ITGA9: variants seen among roughly 807,000 people sequenced by gnomAD.
ITGA9 encodes integrin alpha-9.
ITGA9 carries 56 observed loss-of-function variants against 127.8 expected under a neutral mutation model. The observed-to-expected ratio is 0.44, with a 90% CI of 0.35 to 0.55. The LOEUF is 0.55. ITGA9 is among the 20% of genes least tolerant of loss of function. ITGA9 has a pLI of 0.00. For missense variants in ITGA9, 1,196 were observed against 1,347.1 expected (o/e 0.89, Z 1.76); for synonymous variants, 508 against 514.5 (o/e 0.99, Z 0.17).
chr3:37,686,661 GA>G (rs1432100633), intron 18 of ITGA9, among the ~76,000 whole-genome samples: 1 of 152,122 alleles, frequency 6.6e-6, no homozygotes, highest in Non-Finnish European at 1.5e-5. Context: ...ACAGAAACTT[GA>G]CAAAGCATCA....
intron 27 of ITGA9, among the ~76,000 whole-genome samples, chr3:37,810,353 C>A (rs1417757235): frequency 6.6e-6 from 1 of 152,140 alleles, no homozygotes; most frequent in Non-Finnish European, 1.5e-5. Context: ...AGTAGTAGGT[C>A]CCTACTAGGT....
In ITGA9 at chr3:37,482,955, C is replaced by T. The variant is rs546402773; in HGVS notation, c.544+1348C>T. On this transcript the variant is annotated intron_variant, in intron 4 of 27. Transcript: ENST00000264741. Reference sequence around the variant, plus strand: ...TATAATCAATCAAGAGTGGAGGGATCGTTGGTTTCAGAAACGCAAAGCATG... The same window carrying T: ...TATAATCAATCAAGAGTGGAGGGATTGTTGGTTTCAGAAACGCAAAGCATG... Among the ~76,000 whole-genome samples the T allele has an allele frequency of 5.3e-5, 8 of 152,210 alleles. No homozygotes were observed. In the East Asian group the frequency reaches 1.5e-3, roughly 29 times the overall value.
chr3:37,624,845 C>T (rs1040555317), intron 15 of ITGA9, among the ~76,000 whole-genome samples: 3 of 152,106 alleles, frequency 2.0e-5, no homozygotes, highest in Admixed American at 1.3e-4. Flanking sequence ...GACCTCAGGT[C>T]ATCCGCCTTC....
intron 15 of ITGA9, among the ~76,000 whole-genome samples, chr3:37,602,610 T>G (rs1699932279): frequency 6.6e-6 from 1 of 152,214 alleles, no homozygotes; most frequent in Non-Finnish European, 1.5e-5. Context: ...TTAATTTTTA[T>G]TTTTTGCATT....
intron 4 of ITGA9, among the ~76,000 whole-genome samples, chr3:37,482,783 G>A (rs1698570415): frequency 6.6e-6 from 1 of 152,210 alleles, no homozygotes; most frequent in East Asian, 1.9e-4. Flanking sequence ...TATAGAGTGA[G>A]CCTTCCTTTG....
chr3:37,699,576 T>C lies in ITGA9; in HGVS notation c.2067+15561T>C, dbSNP rs1028210794. On this transcript the variant is annotated intron_variant, in intron 18 of 27. Transcript: ENST00000264741. Reference sequence around the variant, plus strand: ...TGATTGGCAATAGCCTTCTTCATAATTGGTTTCCGTGCTTCCACCTTTACC... The same window carrying C: ...TGATTGGCAATAGCCTTCTTCATAACTGGTTTCCGTGCTTCCACCTTTACC... Among the ~76,000 whole-genome samples the C allele has an allele frequency of 7.9e-5, 12 of 152,238 alleles. 1 individual carries two copies. In the South Asian group the frequency reaches 8.3e-4, roughly 11 times the overall value.
At chr3:37,718,016 T>C (rs1277321037) in intron 18 of ITGA9, among the ~76,000 whole-genome samples, 1 of 152,212 alleles carries the variant, frequency 6.6e-6, no homozygotes, top group Non-Finnish European at 1.5e-5. Flanking sequence ...GCATTCATCA[T>C]GTGAGATGAT....
chr3:37,480,349 G>C (rs910374997), intron 3 of ITGA9, among the ~76,000 whole-genome samples: 14 of 152,198 alleles, frequency 9.2e-5, no homozygotes, highest in Non-Finnish European at 1.6e-4. Context: ...CTAGTGCTGA[G>C]AGGCTCCTCT....
At chr3:37,525,891 T>C in intron 12 of ITGA9, 135 bp from the exon 13 acceptor site, 2 of 753,072 alleles carry the variant, frequency 2.7e-6, no homozygotes, top group Admixed American at 1.9e-5. Context: ...AAGATCATTG[T>C]ATAGCCCAGA....
chr3:37,664,420 CTTTTTTTTTTT>C (rs35312679), intron 17 of ITGA9, among the ~76,000 whole-genome samples: 7 of 114,928 alleles, frequency 6.1e-5, no homozygotes, highest in South Asian at 5.7e-4. Flanking sequence ...TCAGCACATT[CTTTTTTTTTTT>C]TTTTTTTTTT....
intron 18 of ITGA9, among the ~76,000 whole-genome samples, chr3:37,701,622 A>C (rs1368148584): frequency 6.6e-6 from 1 of 152,204 alleles, no homozygotes; most frequent in Non-Finnish European, 1.5e-5. Flanking sequence ...TGTTGTTTGC[A>C]GGGGCAGAGC....
chr3:37,569,741 C>T (rs1699582647), intron 15 of ITGA9, among the ~76,000 whole-genome samples: 1 of 152,186 alleles, frequency 6.6e-6, no homozygotes, highest in South Asian at 2.1e-4. Flanking sequence ...ACAGTTAAAA[C>T]TTTTATTTCA....
chr3:37,771,376 C>A (rs1373773965), intron 23 of ITGA9, among the ~76,000 whole-genome samples: 1 of 152,174 alleles, frequency 6.6e-6, no homozygotes, highest in Non-Finnish European at 1.5e-5. Context: ...AGGTAGTCCC[C>A]TGCTGTAATG....
At chr3:37,521,053 A>T (rs1395120507) in intron 11 of ITGA9, among the ~76,000 whole-genome samples, 1 of 152,200 alleles carries the variant, frequency 6.6e-6, no homozygotes, top group Non-Finnish European at 1.5e-5. Context: ...CATCTGGACC[A>T]GCCTGCCTTT....
chr3:37,769,619 T>A (rs1696819919), intron 23 of ITGA9, among the ~76,000 whole-genome samples: 1 of 152,214 alleles, frequency 6.6e-6, no homozygotes, highest in Admixed American at 6.5e-5. Flanking sequence ...TGTGTTGAAC[T>A]CCTTGGCTCT....
intron 18 of ITGA9, among the ~76,000 whole-genome samples, chr3:37,725,905 A>C (rs1004065182): frequency 6.6e-6 from 1 of 152,220 alleles, no homozygotes; most frequent in African/African-American, 2.4e-5. Flanking sequence ...TGGGACACTA[A>C]TGCCAAAGGT....
At chr3:37,677,340 T>C (rs921273661) in intron 17 of ITGA9, among the ~76,000 whole-genome samples, 2 of 152,204 alleles carry the variant, frequency 1.3e-5, no homozygotes, top group Non-Finnish European at 2.9e-5. Context: ...TTGAAAAGCT[T>C]TGATAGTTGT....
At chr3:37,722,896 G>GA (rs1370426255) in intron 18 of ITGA9, among the ~76,000 whole-genome samples, 1 of 152,212 alleles carries the variant, frequency 6.6e-6, no homozygotes, top group African/African-American at 2.4e-5. Context: ...CTGCCAGGCT[G>GA]CTTTTCAAAG....
In ITGA9 at chr3:37,635,533, CTT is replaced by C. The variant is rs373166923; in HGVS notation, c.1839+6198_1839+6199del. 3.6e-3 allele frequency among the ~76,000 whole-genome samples: 550 copies of C among 151,974 alleles called. 1 individual carries two copies. The highest frequency in any genetic ancestry group is 0.024 in the Middle Eastern group (7 of 294). On this transcript the variant is annotated intron_variant, in intron 16 of 27. Transcript: ENST00000264741. ...TCCTGAACCAGCAGCATCAACCTCTCTTGGGATTTTGTGAGAAATGAAAATTG... is the reference window on the plus strand; with the variant it reads ...TCCTGAACCAGCAGCATCAACCTCTCGGGATTTTGTGAGAAATGAAAATTG...
Sources: allele counts gnomAD v4.1 joint callset (sites outside exome capture counted in the v4.1 genomes callset), GRCh38; gene constraint gnomAD v4.1.1; transcripts MANE v1.5; gene names NCBI Gene and HGNC (gene_info 2026-07-23, HGNC 2026-07-21).